The following CEP112 variants were observed in gnomAD, a reference collection of about 807,000 sequenced individuals.
CEP112 encodes the protein centrosomal protein of 112 kDa.
CEP112 carries 127 observed loss-of-function variants against 153.0 expected under a neutral mutation model. That is an observed-to-expected ratio of 0.83 (90% CI 0.72 to 0.96). The LOEUF (loss-of-function observed/expected upper bound fraction) is 0.96. Among genes scored for constraint, CEP112 ranks in the 40% least tolerant of loss-of-function variants. CEP112 has a pLI of 0.00. For synonymous variants in CEP112, 358 were observed against 374.4 expected (o/e 0.96, Z 0.51); for missense variants, 1,089 against 1,101.2 (o/e 0.99, Z 0.16).
chr17:66,072,043 AG>A (rs746236305), intron 8 of CEP112, among the ~76,000 whole-genome samples: 2 of 152,210 alleles, frequency 1.3e-5, no homozygotes, highest in African/African-American at 2.4e-5. Context: ...TAATAGCACA[AG>A]GAACTCCCAC....
chr17:66,063,291 G>A (rs2066994411), intron 10 of CEP112, among the ~76,000 whole-genome samples: 1 of 152,080 alleles, frequency 6.6e-6, no homozygotes, highest in African/African-American at 2.4e-5. Context: ...TGGCTCCCTA[G>A]ACAATTGTAA....
intron 24 of CEP112, among the ~76,000 whole-genome samples, chr17:65,669,217 G>A (rs935065221): frequency 6.6e-6 from 1 of 152,108 alleles, no homozygotes; most frequent in South Asian, 2.1e-4. Flanking sequence ...GCCTATTACT[G>A]ACTCATTTCT....
chr17:66,009,919 G>T (rs2064441646), intron 16 of CEP112, among the ~76,000 whole-genome samples: 1 of 152,070 alleles, frequency 6.6e-6, no homozygotes, highest in Admixed American at 6.6e-5. Flanking sequence ...TGTTCTTTTT[G>T]CTTACGATTG....
At chr17:66,088,628 T>C (rs529617523) in intron 8 of CEP112, among the ~76,000 whole-genome samples, 93 of 152,108 alleles carry the variant, frequency 6.1e-4, no homozygotes, top group Non-Finnish European at 1.0e-3. Flanking sequence ...TCAACACCTC[T>C]GGCCCAGACT....
At chr17:65,652,837 C>A (rs938401638) in intron 24 of CEP112, among the ~76,000 whole-genome samples, 4 of 152,170 alleles carry the variant, frequency 2.6e-5, no homozygotes, top group Admixed American at 1.3e-4. Context: ...GCTGCTATAA[C>A]AAATACCATA....
intron 10 of CEP112, among the ~76,000 whole-genome samples, chr17:66,065,037 T>A (rs1297661206): frequency 2.0e-5 from 3 of 152,204 alleles, no homozygotes; most frequent in African/African-American, 7.2e-5. Context: ...GCCAGTAAGT[T>A]CCATACAGAA....
intron 17 of CEP112, among the ~76,000 whole-genome samples, chr17:65,969,950 G>C (rs1284686499): frequency 6.6e-6 from 1 of 151,954 alleles, no homozygotes; most frequent in Non-Finnish European, 1.5e-5. Flanking sequence ...GCATATCACA[G>C]GTATATTAAA....
chr17:65,647,022 T>C (rs950755806), intron 24 of CEP112, among the ~76,000 whole-genome samples: 2 of 152,190 alleles, frequency 1.3e-5, no homozygotes, highest in African/African-American at 4.8e-5. Context: ...CGTATATGTC[T>C]GACCTAAAAT....
intron 16 of CEP112, among the ~76,000 whole-genome samples, chr17:66,010,139 A>G (rs553563531): frequency 4.0e-4 from 61 of 152,216 alleles, no homozygotes; most frequent in Non-Finnish European, 8.1e-4. Flanking sequence ...GATTTCATTG[A>G]GCAATGTTTT....
chr17:65,740,079 A>G (rs1462756696), intron 23 of CEP112, among the ~76,000 whole-genome samples: 1 of 152,186 alleles, frequency 6.6e-6, no homozygotes, highest in African/African-American at 2.4e-5. Context: ...CTTGAGTTAT[A>G]CTTTTGTTTT....
intron 20 of CEP112, among the ~76,000 whole-genome samples, chr17:65,871,204 C>T (rs919274416): frequency 3.9e-5 from 6 of 152,162 alleles, no homozygotes; most frequent in African/African-American, 1.4e-4. Flanking sequence ...GAGTGCTGCC[C>T]CCTGTGAAGT....
At chr17:65,828,389 T>C (rs2056931681) in intron 21 of CEP112, among the ~76,000 whole-genome samples, 1 of 152,214 alleles carries the variant, frequency 6.6e-6, no homozygotes, top group South Asian at 2.1e-4. Context: ...TCCTCATCTT[T>C]TTCCTCTCTT....
chr17:66,102,097 T>A (rs1313304616), intron 6 of CEP112, among the ~76,000 whole-genome samples: 1 of 152,178 alleles, frequency 6.6e-6, no homozygotes, highest in Non-Finnish European at 1.5e-5. Context: ...ACAAAAAATC[T>A]GAGAGTACAT....
intron 4 of CEP112, among the ~76,000 whole-genome samples, chr17:66,138,827 A>G (rs899677947): frequency 1.3e-5 from 2 of 152,188 alleles, no homozygotes; most frequent in Admixed American, 1.3e-4. Flanking sequence ...TAACAAAATG[A>G]CTTATTAAGT....
At chr17:65,678,597 G>T (rs548524599) in intron 24 of CEP112, among the ~76,000 whole-genome samples, 1 of 152,292 alleles carries the variant, frequency 6.6e-6, no homozygotes, top group South Asian at 2.1e-4. Flanking sequence ...GGCAGGCAAA[G>T]CCTGGCTTTG....
intron 4 of CEP112, among the ~76,000 whole-genome samples, chr17:66,141,687 C>A (rs570952556): frequency 2.2e-4 from 33 of 152,144 alleles, no homozygotes; most frequent in Non-Finnish European, 4.7e-4. Context: ...CCTCCAGCTT[C>A]ATCTATCTTG....
chr17:65,932,702 G>A (rs549309958), intron 18 of CEP112, among the ~76,000 whole-genome samples: 13 of 152,160 alleles, frequency 8.5e-5, no homozygotes, highest in Admixed American at 2.0e-4. Flanking sequence ...GAGTGAGGGC[G>A]AAGGTGCCAC....
intron 16 of CEP112, among the ~76,000 whole-genome samples, chr17:66,009,201 G>A (rs2064407341): frequency 6.8e-6 from 1 of 146,392 alleles, no homozygotes; most frequent in African/African-American, 2.5e-5. Flanking sequence ...GTGTGTGTGT[G>A]TGTGTGTGTG....
chr17:65,647,643 ATT>A (rs11358851), intron 24 of CEP112, among the ~76,000 whole-genome samples: 22,700 of 143,490 alleles, frequency 0.16, 2,157 homozygotes, highest in East Asian at 0.5. Flanking sequence ...TGCCCAGCTA[ATT>A]TTTTTTTTTT....
Sources: allele counts gnomAD v4.1 joint callset (sites outside exome capture counted in the v4.1 genomes callset), GRCh38; gene constraint gnomAD v4.1.1; transcripts MANE v1.5; gene names NCBI Gene and HGNC (gene_info 2026-07-23, HGNC 2026-07-21).